The following PDE3B variants were observed in gnomAD, a reference collection of about 807,000 sequenced individuals.
PDE3B encodes the protein phosphodiesterase 3B.
A neutral mutation model predicts 116.8 loss-of-function variants in PDE3B; 66 were observed. The observed-to-expected ratio is 0.56, with a 90% CI of 0.46 to 0.69. The LOEUF (loss-of-function observed/expected upper bound fraction) is 0.69. PDE3B is among the 30% of genes least tolerant of loss of function. The pLI, the probability that PDE3B is intolerant of heterozygous loss-of-function variation, is 0.00. For missense variants in PDE3B, 1,384 were observed against 1,368.1 expected, an observed-to-expected ratio of 1.01 and a Z score of -0.18; for synonymous variants, 595 against 533.6, an observed-to-expected ratio of 1.12 and a Z score of -1.59.
the PDE3B span, chr11:14,885,665 T>C: frequency 4.3e-6 from 5 of 1,165,712 alleles, no homozygotes; most frequent in Non-Finnish European, 5.0e-6. Flanking sequence ...AAATAAATAG[T>C]TTCTTATTAA....
intron 1 of PDE3B, among the ~76,000 whole-genome samples, chr11:14,761,974 A>G (rs1257898484): frequency 1.3e-5 from 2 of 152,004 alleles, no homozygotes; most frequent in African/African-American, 4.8e-5. Context: ...AATTTTCTTT[A>G]ATATCCATAT....
intron 5 of PDE3B, among the ~76,000 whole-genome samples, chr11:14,817,062 A>G (rs1465874134): frequency 2.0e-5 from 3 of 152,218 alleles, no homozygotes; most frequent in African/African-American, 7.2e-5. Context: ...GATAGACTGG[A>G]TTAAGAAAAT....
chr11:14,803,138 A>G (rs1858822514), intron 4 of PDE3B, among the ~76,000 whole-genome samples: 1 of 152,210 alleles, frequency 6.6e-6, no homozygotes, highest in African/African-American at 2.4e-5. Context: ...ATCTGTAGTC[A>G]GGGAAATCAA....
chr11:14,687,060 G>A (rs1046621860), intron 1 of PDE3B, among the ~76,000 whole-genome samples: 2 of 151,988 alleles, frequency 1.3e-5, no homozygotes, highest in African/African-American at 4.8e-5. Flanking sequence ...GGTGTATTAT[G>A]TTATATTTAT....
At chr11:14,728,436 G>GA (rs1207826799) in intron 1 of PDE3B, among the ~76,000 whole-genome samples, 1 of 152,026 alleles carries the variant, frequency 6.6e-6, no homozygotes, top group East Asian at 1.9e-4. Context: ...GGATCTAAGG[G>GA]AATCAGAGAA....
Position 14,869,511 on chromosome 11 carries a change from C to T in PDE3B, c.3190C>T (p.His1064Tyr), listed in dbSNP as rs1256315419. Reference protein sequence around the residue: ...RRRIFCQLMHHLTENHKIWKE... With the variant: ...RRRIFCQLMHYLTENHKIWKE... ...GCGAATATTTTGTCAGCTAATGCAC[C>T]ACCTCACTGAAAACCACAAGATATG... The change falls in exon 16 of 16, where the codon CAC (histidine) becomes TAC (tyrosine). Residue 1064 changes from histidine to tyrosine, a missense_variant. Physicochemically the swap from His to Tyr is moderately conservative, Grantham distance 83 (BLOSUM62 2). This residue lies in a region of PDE3B where 428 missense variants were observed against 561.4 expected (regional missense o/e 0.76). Coordinates refer to ENST00000282096, the MANE Select transcript of PDE3B (RefSeq NM_000922.4). 6.2e-7 allele frequency: 1 copy of T among 1,612,430 alleles called. No individual in the cohort carries two copies. The highest frequency in any genetic ancestry group is 1.3e-5 in the African/African-American group (1 of 74,402).
chr11:14,847,667 T>A (rs1180433931), intron 12 of PDE3B, among the ~76,000 whole-genome samples: 1 of 152,098 alleles, frequency 6.6e-6, no homozygotes, highest in Non-Finnish European at 1.5e-5. Context: ...TCACCACCGA[T>A]CCCACAGAAA....
Position 14,811,572 on chromosome 11 carries a change from T to C in PDE3B, c.1523-6611T>C, listed in dbSNP as rs964689925. 1.2e-4 allele frequency among the ~76,000 whole-genome samples: 19 copies of C among 152,260 alleles called. No individual in the cohort carries two copies. In the East Asian group the frequency reaches 1.4e-3, roughly 11 times the overall value. ...TGTAGTATAGTTTGAAGTCAGGTAG[T>C]GTGATGCCTCCAGCTTTGTTCTTTT... On this transcript the variant is annotated intron_variant, in intron 5 of 15. Coordinates refer to ENST00000282096, the MANE Select transcript of PDE3B (RefSeq NM_000922.4).
At chr11:14,814,568 A>G (rs1338246815) in intron 5 of PDE3B, among the ~76,000 whole-genome samples, 1 of 152,242 alleles carries the variant, frequency 6.6e-6, no homozygotes, top group South Asian at 2.1e-4. Context: ...CCATAACTTC[A>G]GGGAAAAATT....
the PDE3B span, chr11:14,891,725 A>C: frequency 7.8e-7 from 1 of 1,285,834 alleles, no homozygotes; most frequent in Admixed American, 3.9e-5. Flanking sequence ...TAGCGGGAAA[A>C]TCAGGACTGG....
intron 7 of PDE3B, among the ~76,000 whole-genome samples, chr11:14,823,868 C>A (rs761830358): frequency 6.6e-6 from 1 of 152,136 alleles, no homozygotes; most frequent in African/African-American, 2.4e-5. Flanking sequence ...GGGTCTCCAG[C>A]TCCCCTCACC....
At chr11:14,673,559 A>G (rs1490391195) in intron 1 of PDE3B, 1 of 507,880 alleles carries the variant, frequency 2.0e-6, no homozygotes, top group Non-Finnish European at 3.8e-6. Flanking sequence ...AGAGATCCAA[A>G]CATAAGTGAG....
intron 2 of PDE3B, chr11:14,773,224 AT>A (rs1245285326): frequency 1.3e-5 from 2 of 151,892 alleles, no homozygotes; most frequent in Admixed American, 1.3e-4. Context: ...ATGATTCGAG[AT>A]TTTTTTCTAA....
intron 12 of PDE3B, among the ~76,000 whole-genome samples, chr11:14,856,356 A>G (rs1283504376): frequency 6.6e-6 from 1 of 152,208 alleles, no homozygotes; most frequent in African/African-American, 2.4e-5. Context: ...CACAGAAAAG[A>G]ACAAACCGAG....
chr11:14,834,439 A>T (rs894532566), intron 10 of PDE3B, among the ~76,000 whole-genome samples: 2 of 152,198 alleles, frequency 1.3e-5, no homozygotes, highest in Non-Finnish European at 2.9e-5. Flanking sequence ...TCTTTACACT[A>T]TGCCACATTG....
chr11:14,807,467 A>AGG, intron 5 of PDE3B, among the ~76,000 whole-genome samples: 1 of 152,264 alleles, frequency 6.6e-6, no homozygotes, highest in South Asian at 2.1e-4. Flanking sequence ...TGTAGTATTC[A>AGG]GGGGGCCAAT....
At chr11:14,812,641 G>C (rs1316219309) in intron 5 of PDE3B, among the ~76,000 whole-genome samples, 1 of 152,142 alleles carries the variant, frequency 6.6e-6, no homozygotes, top group Non-Finnish European at 1.5e-5. Flanking sequence ...TAAAAAATCT[G>C]AAGAGTCATA....
chr11:14,680,638 A>G (rs1266006924), intron 1 of PDE3B, among the ~76,000 whole-genome samples: 2 of 152,212 alleles, frequency 1.3e-5, no homozygotes. Flanking sequence ...ATTGTTATAC[A>G]TTCTGTCTAC....
intron 4 of PDE3B, among the ~76,000 whole-genome samples, chr11:14,802,974 A>C (rs912070127): frequency 6.6e-6 from 1 of 152,240 alleles, no homozygotes; most frequent in Non-Finnish European, 1.5e-5. Flanking sequence ...TTAACAGTCC[A>C]TCTTAGAAAG....
Sources: gnomAD v4.1 joint callset for allele counts (sites outside exome capture counted in the v4.1 genomes callset) on GRCh38, gnomAD v4.1.1 for gene constraint, gnomAD v4.1.1 regional missense constraint, MANE v1.5 for transcripts, NCBI Gene and HGNC (gene_info 2026-07-23, HGNC 2026-07-21) for gene names.